Variants in RAB38 observed in about 807,000 individuals in gnomAD.
RAB38 encodes RAB38, member RAS oncogene family, also known as ras-related protein Rab-38.
A neutral mutation model predicts 18.4 loss-of-function variants in RAB38; 15 were observed. The ratio of observed to expected loss-of-function variants is 0.82; its 90% CI spans 0.55 to 1.26. RAB38 has a LOEUF of 1.26. Among genes scored for constraint, RAB38 ranks in the 50% most tolerant of loss-of-function variants. The pLI, the probability that RAB38 is intolerant of heterozygous loss-of-function variation, is 0.00. For synonymous variants in RAB38, 101 were observed against 104.4 expected (o/e 0.97, Z 0.20); for missense variants, 294 against 267.4 (o/e 1.10, Z -0.69).
the RAB38 span, among the ~76,000 whole-genome samples, chr11:87,967,840 G>A: frequency 1.3e-5 from 2 of 152,156 alleles, no homozygotes; most frequent in African/African-American, 4.8e-5. Context: ...AGTCTGCCCA[G>A]TCTTTCAATA....
chr11:88,052,654 T>G, the RAB38 span, among the ~76,000 whole-genome samples: 1 of 151,656 alleles, frequency 6.6e-6, no homozygotes, highest in Non-Finnish European at 1.5e-5. Context: ...TTCCTGACAT[T>G]GAACTATCAA....
intron 1 of RAB38, among the ~76,000 whole-genome samples, chr11:88,173,172 T>C (rs537670373): frequency 1.3e-5 from 2 of 152,172 alleles, no homozygotes; most frequent in African/African-American, 2.4e-5. Context: ...ATATGTAATA[T>C]TGGGATCACA....
the RAB38 span, among the ~76,000 whole-genome samples, chr11:87,883,597 A>T: frequency 6.6e-6 from 1 of 151,956 alleles, no homozygotes; most frequent in Non-Finnish European, 1.5e-5. Flanking sequence ...GGAACTTTGC[A>T]GAAGTGATTC....
chr11:87,939,812 A>C, the RAB38 span, among the ~76,000 whole-genome samples: 1 of 152,286 alleles, frequency 6.6e-6, no homozygotes, highest in South Asian at 2.1e-4. Context: ...GGATCACTTG[A>C]GCCTGGGAGG....
At chr11:88,056,633 T>C in the RAB38 span, among the ~76,000 whole-genome samples, 1 of 151,904 alleles carries the variant, frequency 6.6e-6, no homozygotes, top group African/African-American at 2.4e-5. Flanking sequence ...TGAAACCGCG[T>C]CTCTACTAAA....
the RAB38 span, among the ~76,000 whole-genome samples, chr11:88,004,258 A>T: frequency 6.7e-6 from 1 of 149,906 alleles, no homozygotes; most frequent in South Asian, 2.1e-4. Context: ...CAGCAAATTG[A>T]TTACAGCAAT....
chr11:87,832,586 A>G, the RAB38 span, among the ~76,000 whole-genome samples: 1 of 152,152 alleles, frequency 6.6e-6, no homozygotes, highest in Non-Finnish European at 1.5e-5. Context: ...TAACTCTCGC[A>G]GAACTCTCTC....
chr11:88,156,330 T>G (rs1943124718), intron 1 of RAB38, among the ~76,000 whole-genome samples: 1 of 152,330 alleles, frequency 6.6e-6, no homozygotes, highest in South Asian at 2.1e-4. Context: ...ACAGTGGACA[T>G]CTCAGCAGAA....
chr11:88,125,596 G>T (rs61909918), intron 2 of RAB38, among the ~76,000 whole-genome samples: 23,573 of 152,134 alleles, frequency 0.15, 2,005 homozygotes, highest in Admixed American at 0.25. Flanking sequence ...TTTGAGTTCT[G>T]TGTAGATTCT....
At chr11:87,886,186 T>C in the RAB38 span, among the ~76,000 whole-genome samples, 1 of 151,968 alleles carries the variant, frequency 6.6e-6, no homozygotes, top group Non-Finnish European at 1.5e-5. Context: ...GGTGGCCCTC[T>C]GGCTGGTCCC....
At chr11:88,118,737 GTTC>G (rs1017203498) in intron 2 of RAB38, among the ~76,000 whole-genome samples, 79 of 152,260 alleles carry the variant, frequency 5.2e-4, no homozygotes, top group African/African-American at 1.9e-3. Context: ...GGTAATGCGT[GTTC>G]TTCTTTGCAC....
chr11:88,134,344 G>A (rs546710853), intron 2 of RAB38, among the ~76,000 whole-genome samples: 5 of 152,098 alleles, frequency 3.3e-5, no homozygotes, highest in Non-Finnish European at 5.9e-5. Flanking sequence ...GGGTTCAAGC[G>A]ATTCTCCTGA....
chr11:87,884,870 C>A, the RAB38 span, among the ~76,000 whole-genome samples: 1 of 151,902 alleles, frequency 6.6e-6, no homozygotes, highest in African/African-American at 2.4e-5. Flanking sequence ...TCGGCAAAAT[C>A]CCCAGATGAT....
chr11:87,874,054 AAATAT>A, the RAB38 span, among the ~76,000 whole-genome samples: 18 of 150,726 alleles, frequency 1.2e-4, no homozygotes, highest in South Asian at 8.3e-4. Context: ...CAGAAGTTAC[AAATAT>A]AATTAAGTCC....
At chr11:87,926,851 G>A in the RAB38 span, among the ~76,000 whole-genome samples, 11 of 151,966 alleles carry the variant, frequency 7.2e-5, no homozygotes, top group Admixed American at 1.3e-4. Flanking sequence ...TTTGCACAAC[G>A]TCACCCAATT....
chr11:88,170,114 G>T (rs1233526531), intron 1 of RAB38, among the ~76,000 whole-genome samples: 1 of 152,138 alleles, frequency 6.6e-6, no homozygotes, highest in Non-Finnish European at 1.5e-5. Context: ...CAGATGACAC[G>T]ACATGTCCTG....
In RAB38 at chr11:88,143,967, A is replaced by C. The variant is rs1369247521; in HGVS notation, c.483+5708T>G. 2.0e-5 allele frequency among the ~76,000 whole-genome samples: 3 copies of C among 152,348 alleles called. No homozygotes were observed. In the East Asian group the frequency reaches 5.8e-4, roughly 29 times the overall value. ...TATTAATTTATATTGATCCTTAAAT[A>C]GATAACTAGCTTGAATTTGAGACTC... On this transcript the variant is annotated intron_variant, in intron 2 of 2. Coordinates refer to ENST00000243662, the MANE Select transcript of RAB38 (RefSeq NM_022337.3).
chr11:87,838,548 G>A, the RAB38 span, among the ~76,000 whole-genome samples: 103 of 152,238 alleles, frequency 6.8e-4, no homozygotes, highest in African/African-American at 2.4e-3. Flanking sequence ...TGTCTCTTTT[G>A]GAGAGGGAAT....
chr11:88,069,820 C>T, the RAB38 span, among the ~76,000 whole-genome samples: 1 of 126,344 alleles, frequency 7.9e-6, no homozygotes, highest in Non-Finnish European at 1.7e-5. Context: ...CATCAGTGCT[C>T]TGTGTCTAGT....
Sources: gnomAD v4.1 joint callset for allele counts (sites outside exome capture counted in the v4.1 genomes callset) on GRCh38, gnomAD v4.1.1 for gene constraint, MANE v1.5 for transcripts, NCBI Gene and HGNC (gene_info 2026-07-23, HGNC 2026-07-21) for gene names.